ADAMTS6: variants seen among roughly 807,000 people sequenced by gnomAD.
ADAMTS6 encodes the protein A disintegrin and metalloproteinase with thrombospondin motifs 6.
Under a neutral mutation model 144.3 loss-of-function variants are expected in ADAMTS6, and 23 were observed. The observed-to-expected ratio is 0.16, with a 90% confidence interval of 0.11 to 0.23. The LOEUF is 0.23. Ranked by LOEUF, ADAMTS6 falls within the 10% of genes least tolerant of loss-of-function variation. The probability of loss-of-function intolerance (pLI) is 1.00; values close to 1 mark genes in which losing one functional copy is unlikely to be tolerated. For missense variants in ADAMTS6, 999 were observed against 1,379.6 expected, an observed-to-expected ratio of 0.72 and a Z score of 4.37; for synonymous variants, 444 against 457.5, an observed-to-expected ratio of 0.97 and a Z score of 0.38.
chr5:65,309,734 A>G (rs1300472117), intron 9 of ADAMTS6, among the ~76,000 whole-genome samples: 3 of 152,204 alleles, frequency 2.0e-5, no homozygotes, highest in Non-Finnish European at 2.9e-5. Context: ...TACACAAGAC[A>G]GCAGACTTGG....
At chr5:65,266,836 T>C (rs1175181979) in intron 12 of ADAMTS6, among the ~76,000 whole-genome samples, 1 of 151,956 alleles carries the variant, frequency 6.6e-6, no homozygotes, top group Non-Finnish European at 1.5e-5. Flanking sequence ...TTTATAATTA[T>C]GGCTACTTTT....
intron 7 of ADAMTS6, among the ~76,000 whole-genome samples, chr5:65,446,884 T>G (rs976823250): frequency 6.6e-6 from 1 of 152,154 alleles, no homozygotes. Context: ...TTGATGATAA[T>G]GATGATTGCA....
chr5:65,189,082 G>A (rs567003048), intron 21 of ADAMTS6, among the ~76,000 whole-genome samples: 1 of 152,014 alleles, frequency 6.6e-6, no homozygotes, highest in African/African-American at 2.4e-5. Flanking sequence ...CAACCTTTTG[G>A]CTCCTAAAAA....
intron 7 of ADAMTS6, among the ~76,000 whole-genome samples, chr5:65,398,384 C>T (rs1279152500): frequency 6.6e-6 from 1 of 152,182 alleles, no homozygotes; most frequent in Non-Finnish European, 1.5e-5. Flanking sequence ...TAATACCCTT[C>T]TTTATCCTTG....
chr5:65,184,111 A>G (rs1024014819), intron 22 of ADAMTS6, among the ~76,000 whole-genome samples: 4 of 152,158 alleles, frequency 2.6e-5, no homozygotes, highest in Non-Finnish European at 5.9e-5. Flanking sequence ...AAATCCGACC[A>G]GACCTTCTGT....
intron 7 of ADAMTS6, among the ~76,000 whole-genome samples, chr5:65,335,319 T>C (rs1005970711): frequency 1.3e-5 from 2 of 152,156 alleles, no homozygotes; most frequent in African/African-American, 4.8e-5. Flanking sequence ...TCTTCTTTTG[T>C]AATTGGTAAG....
chr5:65,472,094 GC>G (rs1250072546), intron 2 of ADAMTS6, among the ~76,000 whole-genome samples: 1 of 152,190 alleles, frequency 6.6e-6, no homozygotes, highest in African/African-American at 2.4e-5. Context: ...AGTGATACAT[GC>G]TATGACATGA....
chr5:65,202,475 A>C (rs1004689544), intron 20 of ADAMTS6, among the ~76,000 whole-genome samples: 2 of 152,120 alleles, frequency 1.3e-5, no homozygotes, highest in Admixed American at 6.5e-5. Flanking sequence ...ATACTTTTTT[A>C]GTACTATAAG....
intron 7 of ADAMTS6, among the ~76,000 whole-genome samples, chr5:65,365,508 A>G (rs145927524): frequency 0.017 from 2,552 of 152,142 alleles, 37 homozygotes; most frequent in Middle Eastern, 0.031. Flanking sequence ...TTAGCCAGTC[A>G]TGGTGGCACA....
At chr5:65,333,924 G>GAA in intron 8 of ADAMTS6, 118 bp downstream of exon 8, 2 of 1,104,902 alleles carry the variant, frequency 1.8e-6, no homozygotes, top group Non-Finnish European at 2.3e-6. Flanking sequence ...GTACAGAAAG[G>GAA]AAAATGACCA....
At chr5:65,436,801 T>C (rs1047897843) in intron 7 of ADAMTS6, among the ~76,000 whole-genome samples, 8 of 150,512 alleles carry the variant, frequency 5.3e-5, no homozygotes, top group Non-Finnish European at 8.9e-5. Flanking sequence ...GAGATTGCAG[T>C]GGGCCAACAC....
chr5:65,163,313 T>C (rs1415731739), intron 24 of ADAMTS6, among the ~76,000 whole-genome samples: 1 of 152,162 alleles, frequency 6.6e-6, no homozygotes, highest in Non-Finnish European at 1.5e-5. Flanking sequence ...GAGGGAAAGC[T>C]AGATTTCCAG....
chr5:65,275,304 G>C (rs1762382146), intron 11 of ADAMTS6, among the ~76,000 whole-genome samples: 1 of 143,990 alleles, frequency 6.9e-6, no homozygotes, highest in South Asian at 2.2e-4. Context: ...TAGGAGGGAA[G>C]GGATGGAAAG....
In ADAMTS6 at chr5:65,225,014, C is replaced by T; in HGVS notation, c.2101G>A (p.Ala701Thr). The change falls in exon 17 of 25, where the codon GCT becomes ACT. Residue 701 changes from alanine to threonine, a missense_variant. Ala to Thr is a moderately conservative substitution (Grantham distance 58, BLOSUM62 0). Transcript: ENST00000381055. ...CAGACTCGACATCTATCTTCCCTAGCATCAGATCCCAAAATATTATCACAG... is the reference window on the plus strand; with the variant it reads ...CAGACTCGACATCTATCTTCCCTAGTATCAGATCCCAAAATATTATCACAG... The part of the protein sequence containing the change: ...VGCDNILGSD[A>T]REDRCRVCGG... 4.3e-6 allele frequency: 7 copies of T among 1,614,052 alleles called. No individual in the cohort carries two copies. The highest frequency in any genetic ancestry group is 5.9e-6 in the Non-Finnish European group (7 of 1,180,002).
intron 23 of ADAMTS6, 132 bp downstream of exon 23, chr5:65,172,700 A>G: frequency 9.3e-7 from 1 of 1,069,884 alleles, no homozygotes. Flanking sequence ...TTTCACACTC[A>G]TGCCTCATAC....
intron 2 of ADAMTS6, among the ~76,000 whole-genome samples, chr5:65,472,838 T>G (rs543072201): frequency 4.3e-4 from 65 of 152,190 alleles, no homozygotes; most frequent in Non-Finnish European, 7.8e-4. Context: ...CTTTTTAACA[T>G]GGATTTCTAG....
intron 3 of ADAMTS6, among the ~76,000 whole-genome samples, chr5:65,465,555 A>G (rs1042122073): frequency 2.6e-5 from 4 of 152,156 alleles, no homozygotes; most frequent in African/African-American, 9.7e-5. Context: ...ATAACTGTCT[A>G]CATACTCTTT....
intron 7 of ADAMTS6, among the ~76,000 whole-genome samples, chr5:65,395,319 C>T (rs1054122055): frequency 3.9e-5 from 6 of 152,080 alleles, no homozygotes; most frequent in Admixed American, 6.6e-5. Flanking sequence ...GTCTCAGGAG[C>T]CTTGTAATTT....
In ADAMTS6 at chr5:65,460,800, C is replaced by T. The variant is rs576115360; in HGVS notation, c.463-462G>A. 2.6e-5 allele frequency among the ~76,000 whole-genome samples: 4 copies of T among 152,286 alleles called. No individual in the cohort carries two copies. In the East Asian group the frequency reaches 7.7e-4, roughly 29 times the overall value. ...TGGAATCTTCTACTCTCTTTCCCCA[C>T]TGAACGAAGAGAACTCCAAATACCT... On this transcript the variant is annotated intron_variant, in intron 3 of 24. Coordinates refer to ENST00000381055, the MANE Select transcript of ADAMTS6 (RefSeq NM_197941.4).
Sources: gnomAD v4.1 joint callset for allele counts (sites outside exome capture counted in the v4.1 genomes callset) on GRCh38, gnomAD v4.1.1 for gene constraint, MANE v1.5 for transcripts, NCBI Gene and HGNC (gene_info 2026-07-23, HGNC 2026-07-21) for gene names.